The following EBF3 variants were observed in gnomAD, a reference collection of about 807,000 sequenced individuals.
EBF3 encodes the protein EBF transcription factor 3.
EBF3 carries 18 observed loss-of-function variants against 77.1 expected under a neutral mutation model. The ratio of observed to expected loss-of-function variants is 0.23; its 90% CI spans 0.16 to 0.35. The LOEUF (loss-of-function observed/expected upper bound fraction) is 0.35. Among genes scored for constraint, EBF3 ranks in the 10% least tolerant of loss-of-function variants. The pLI is 1.00. For synonymous variants in EBF3, 350 were observed against 343.5 expected (o/e 1.02, Z -0.21); for missense variants, 558 against 860.0 (o/e 0.65, Z 4.39).
intron 6 of EBF3, among the ~76,000 whole-genome samples, chr10:129,941,683 C>T (rs1471662461): frequency 6.6e-6 from 1 of 152,234 alleles, no homozygotes; most frequent in Non-Finnish European, 1.5e-5. Flanking sequence ...GCTCCATCCC[C>T]AGGGCCTGGA....
At chr10:129,850,778 G>T (rs1391581505) in intron 10 of EBF3, among the ~76,000 whole-genome samples, 1 of 152,204 alleles carries the variant, frequency 6.6e-6, no homozygotes, top group East Asian at 1.9e-4. Flanking sequence ...AAGAGCACCT[G>T]CCTTCTACAG....
intron 6 of EBF3, among the ~76,000 whole-genome samples, chr10:129,950,140 G>A (rs1199350639): frequency 6.6e-6 from 1 of 152,096 alleles, no homozygotes; most frequent in Non-Finnish European, 1.5e-5. Context: ...GCAGAGACAC[G>A]CTGGAGCCGA....
At chr10:129,927,049 G>A (rs586684) in intron 6 of EBF3, among the ~76,000 whole-genome samples, 107,455 of 152,178 alleles carry the variant, frequency 0.71, 38,196 homozygotes, top group East Asian at 0.82. Flanking sequence ...GAAGTCAGGC[G>A]CATCTTTTTT....
At chr10:129,918,225 G>A (rs1223153049) in intron 6 of EBF3, among the ~76,000 whole-genome samples, 5 of 152,174 alleles carry the variant, frequency 3.3e-5, no homozygotes, top group Admixed American at 2.0e-4. Context: ...GGTTCTTTGC[G>A]TACTCATGTC....
At chr10:129,906,325 C>A (rs1365284271) in intron 6 of EBF3, among the ~76,000 whole-genome samples, 1 of 152,182 alleles carries the variant, frequency 6.6e-6, no homozygotes, top group African/African-American at 2.4e-5. Flanking sequence ...GCAACATGTT[C>A]GTCTCCCACA....
chr10:129,908,344 G>A (rs888910443), intron 6 of EBF3, among the ~76,000 whole-genome samples: 1 of 152,144 alleles, frequency 6.6e-6, no homozygotes, highest in African/African-American at 2.4e-5. Flanking sequence ...AATTACTATT[G>A]GCATTCCGCA....
At chr10:129,921,428 T>C (rs1332491485) in intron 6 of EBF3, among the ~76,000 whole-genome samples, 1 of 152,174 alleles carries the variant, frequency 6.6e-6, no homozygotes, top group African/African-American at 2.4e-5. Context: ...CAAGAACCCC[T>C]GCAGACAATC....
intron 3 of EBF3, 64 bp from the exon 4 acceptor site, chr10:129,962,290 G>A (rs1859585660): frequency 2.6e-6 from 4 of 1,520,054 alleles, no homozygotes; most frequent in Admixed American, 3.3e-5. Context: ...GAGGGCACAC[G>A]GAGCACAGGA....
chr10:129,872,006 G>A (rs549098356), intron 8 of EBF3, among the ~76,000 whole-genome samples: 20 of 152,270 alleles, frequency 1.3e-4, no homozygotes, highest in African/African-American at 4.8e-4. Context: ...TTCTCTAAAC[G>A]CTACATTTTC....
chr10:129,900,288 A>T (rs1854686384), intron 6 of EBF3, among the ~76,000 whole-genome samples: 1 of 152,198 alleles, frequency 6.6e-6, no homozygotes, highest in South Asian at 2.1e-4. Context: ...AAATCTGCTT[A>T]TGTGAATTAT....
intron 8 of EBF3, among the ~76,000 whole-genome samples, chr10:129,872,928 T>C (rs1381311144): frequency 2.0e-5 from 3 of 152,120 alleles, no homozygotes; most frequent in Non-Finnish European, 2.9e-5. Context: ...ATTGAAAGCA[T>C]TTGGTTAAAA....
chr10:129,899,546 C>T (rs1234468204), intron 6 of EBF3, among the ~76,000 whole-genome samples: 2 of 152,146 alleles, frequency 1.3e-5, no homozygotes, highest in Non-Finnish European at 2.9e-5. Flanking sequence ...ACTTGCTGTG[C>T]GAGGGAAGCC....
intron 9 of EBF3, 53 bp downstream of exon 9, chr10:129,867,729 A>G: frequency 2.5e-6 from 4 of 1,604,764 alleles, no homozygotes; most frequent in Non-Finnish European, 3.4e-6. Flanking sequence ...AGCTTGTCAA[A>G]TCCATTCATG....
chr10:129,936,528 G>A (rs1270982258), intron 6 of EBF3, among the ~76,000 whole-genome samples: 1 of 152,080 alleles, frequency 6.6e-6, no homozygotes, highest in African/African-American at 2.4e-5. Flanking sequence ...ACCCTCAGCT[G>A]TGTGGGGAAC....
At chr10:129,928,170 G>A (rs1260147529) in intron 6 of EBF3, among the ~76,000 whole-genome samples, 2 of 152,230 alleles carry the variant, frequency 1.3e-5, no homozygotes, top group Non-Finnish European at 2.9e-5. Context: ...CCTGACAGAC[G>A]TGTGAACAGA....
chr10:129,959,800 T>A (rs952221755), intron 4 of EBF3, among the ~76,000 whole-genome samples: 4 of 150,982 alleles, frequency 2.6e-5, no homozygotes, highest in African/African-American at 4.9e-5. Context: ...CCCGCAGGAG[T>A]GCCGGGGCCC....
chr10:129,913,265 C>T (rs570840772), intron 6 of EBF3, among the ~76,000 whole-genome samples: 9 of 152,374 alleles, frequency 5.9e-5, no homozygotes, highest in Admixed American at 2.6e-4. Flanking sequence ...TTACCATCTC[C>T]GGTGACTCTG....
intron 6 of EBF3, among the ~76,000 whole-genome samples, chr10:129,916,651 G>A (rs1420263307): frequency 6.6e-6 from 1 of 152,206 alleles, no homozygotes; most frequent in Non-Finnish European, 1.5e-5. Flanking sequence ...CCAGCGAGAG[G>A]CTGGATGCAG....
intron 6 of EBF3, among the ~76,000 whole-genome samples, chr10:129,881,803 T>C (rs1162553291): frequency 6.6e-6 from 1 of 152,170 alleles, no homozygotes; most frequent in Admixed American, 6.5e-5. Flanking sequence ...CCACTCCGGA[T>C]ATCTTGAGTT....
Sources: gnomAD v4.1 joint callset for allele counts (sites outside exome capture counted in the v4.1 genomes callset) on GRCh38, gnomAD v4.1.1 for gene constraint, MANE v1.5 for transcripts, NCBI Gene and HGNC (gene_info 2026-07-23, HGNC 2026-07-21) for gene names.